DRC11: variants seen among roughly 807,000 people sequenced by gnomAD.
DRC11 encodes the protein IQ and AAA domain-containing protein 1.
the DRC11 span, among the ~76,000 whole-genome samples, chr2:236,350,174 A>C: frequency 2.0e-5 from 3 of 152,196 alleles, no homozygotes; most frequent in Non-Finnish European, 4.4e-5. The surrounding 1 kb of genome is among the most constrained non-coding windows in gnomAD (Gnocchi z 5.2). Flanking sequence ...TCAGATTCTA[A>C]ATCAGTTGTT....
At chr2:236,411,506 G>C in the DRC11 span, among the ~76,000 whole-genome samples, 932 of 152,104 alleles carry the variant, frequency 6.1e-3, 22 homozygotes, top group African/African-American at 0.022. Flanking sequence ...CAGGGATCTA[G>C]AACTAGAAAT....
the DRC11 span, among the ~76,000 whole-genome samples, chr2:236,501,153 G>A: frequency 6.6e-6 from 1 of 152,246 alleles, no homozygotes; most frequent in African/African-American, 2.4e-5. Flanking sequence ...GGCGGGAGCA[G>A]GAGCAAGAGG....
the DRC11 span, among the ~76,000 whole-genome samples, chr2:236,373,663 G>C: frequency 1.3e-5 from 2 of 152,100 alleles, no homozygotes; most frequent in Admixed American, 1.3e-4. Context: ...TGATAATTTT[G>C]CATGGGCATT....
chr2:236,454,191 C>T, the DRC11 span, among the ~76,000 whole-genome samples: 1 of 152,174 alleles, frequency 6.6e-6, no homozygotes, highest in Non-Finnish European at 1.5e-5. The surrounding 1 kb of genome is among the most constrained non-coding windows in gnomAD (Gnocchi z 5.3). Flanking sequence ...ATCCATTCAG[C>T]GCATTTGCCA....
the DRC11 span, among the ~76,000 whole-genome samples, chr2:236,393,704 C>G: frequency 6.6e-6 from 1 of 152,214 alleles, no homozygotes; most frequent in Non-Finnish European, 1.5e-5. The surrounding 1 kb of genome is among the most constrained non-coding windows in gnomAD (Gnocchi z 4.7). Context: ...AAAAGCTAGA[C>G]TCTCAGGAGA....
At chr2:236,366,894 C>T in the DRC11 span, among the ~76,000 whole-genome samples, 3 of 150,606 alleles carry the variant, frequency 2.0e-5, no homozygotes, top group East Asian at 1.9e-4. Flanking sequence ...AGTGCAATGG[C>T]GTGATCCCGG....
the DRC11 span, among the ~76,000 whole-genome samples, chr2:236,320,834 A>ACC: frequency 2.3e-5 from 3 of 133,210 alleles, no homozygotes; most frequent in African/African-American, 7.8e-5. Context: ...CTCCGCCGGT[A>ACC]CCCCCCCGCC....
the DRC11 span, among the ~76,000 whole-genome samples, chr2:236,406,468 T>C: frequency 1.3e-5 from 2 of 152,186 alleles, no homozygotes; most frequent in African/African-American, 2.4e-5. This position sits in a 1 kb window ranked among gnomAD's most constrained non-coding sequence, Gnocchi z 4.7. Context: ...AATGAGGTTA[T>C]ATATTTTGAA....
chr2:236,379,031 G>T, the DRC11 span, among the ~76,000 whole-genome samples: 8 of 152,158 alleles, frequency 5.3e-5, no homozygotes, highest in Admixed American at 5.2e-4. Flanking sequence ...GTTTCCAGGG[G>T]CTGCTTGCCA....
chr2:236,331,724 G>A, the DRC11 span: 630 of 703,578 alleles, frequency 9.0e-4, 4 homozygotes, highest in African/African-American at 5.6e-3. This position sits in a 1 kb window ranked among gnomAD's most constrained non-coding sequence, Gnocchi z 4.8. Context: ...TAGCTTATTT[G>A]TAACTCAAAT....
chr2:236,365,645 T>C, the DRC11 span, among the ~76,000 whole-genome samples: 1 of 151,504 alleles, frequency 6.6e-6, no homozygotes, highest in African/African-American at 2.4e-5. The surrounding 1 kb of genome is among the most constrained non-coding windows in gnomAD (Gnocchi z 7.4). Context: ...GGCAGGTGAG[T>C]GGACCCGGGA....
chr2:236,399,910 T>C, the DRC11 span, among the ~76,000 whole-genome samples: 1 of 151,980 alleles, frequency 6.6e-6, no homozygotes, highest in African/African-American at 2.4e-5. The surrounding 1 kb of genome is among the most constrained non-coding windows in gnomAD (Gnocchi z 7.0). Context: ...AGAGGTGGGG[T>C]TTTGCCATGT....
the DRC11 span, among the ~76,000 whole-genome samples, chr2:236,325,883 G>A: frequency 6.6e-6 from 1 of 152,214 alleles, no homozygotes; most frequent in Non-Finnish European, 1.5e-5. This position sits in a 1 kb window ranked among gnomAD's most constrained non-coding sequence, Gnocchi z 4.4. Context: ...GATTACAGGT[G>A]TGAGCCACGG....
At chr2:236,459,628 C>T in the DRC11 span, among the ~76,000 whole-genome samples, 52 of 130,568 alleles carry the variant, frequency 4.0e-4, no homozygotes, top group African/African-American at 1.3e-3. Context: ...TATATACATA[C>T]GTATATACGT....
chr2:236,486,834 C>G, the DRC11 span: 2 of 1,607,760 alleles, frequency 1.2e-6, no homozygotes, highest in South Asian at 2.2e-5. The surrounding 1 kb of genome is among the most constrained non-coding windows in gnomAD (Gnocchi z 5.7). Context: ...CTTACCATAC[C>G]CAGGAAGATC....
At chr2:236,428,781 T>C in the DRC11 span, among the ~76,000 whole-genome samples, 1 of 152,232 alleles carries the variant, frequency 6.6e-6, no homozygotes, top group Admixed American at 6.5e-5. Context: ...CTTTATTACT[T>C]TCTGATTGTC....
chr2:236,335,567 G>A, the DRC11 span, among the ~76,000 whole-genome samples: 2 of 152,182 alleles, frequency 1.3e-5, no homozygotes, highest in Non-Finnish European at 1.5e-5. This position sits in a 1 kb window ranked among gnomAD's most constrained non-coding sequence, Gnocchi z 5.6. Context: ...AATCCTAAGC[G>A]ATGTGTGGTG....
At chr2:236,435,083 G>A in the DRC11 span, among the ~76,000 whole-genome samples, 1 of 152,214 alleles carries the variant, frequency 6.6e-6, no homozygotes, top group Non-Finnish European at 1.5e-5. Flanking sequence ...TGAAGAAAGA[G>A]CAATTCCTGT....
chr2:236,374,880 T>TTTTA, the DRC11 span, among the ~76,000 whole-genome samples: 9 of 147,922 alleles, frequency 6.1e-5, no homozygotes, highest in African/African-American at 2.3e-4. Flanking sequence ...TTTTTTTTTT[T>TTTTA]AGTAGAGATG....
Sources: allele counts gnomAD v4.1 joint callset (sites outside exome capture counted in the v4.1 genomes callset), GRCh38; gene constraint gnomAD v4.1.1; non-coding constraint Gnocchi (gnomAD v3.1); transcripts MANE v1.5; gene names NCBI Gene and HGNC (gene_info 2026-07-23, HGNC 2026-07-21).